Variants in SAXO3 observed in about 807,000 individuals in gnomAD.
SAXO3 encodes stabilizer of axonemal microtubules 3.
At chr19:49,020,363 G>A in the SAXO3 span, 1 of 410,500 alleles carries the variant, frequency 2.4e-6, no homozygotes, top group Non-Finnish European at 4.3e-6. Context: ...CTGCAGCGTA[G>A]GGTCCGCTCA....
chr19:49,019,676 C>A, the SAXO3 span: 41 of 1,244,906 alleles, frequency 3.3e-5, no homozygotes, highest in Non-Finnish European at 4.2e-5. Context: ...TGGTGGTCTG[C>A]GAGTTGTGGG....
the SAXO3 span, chr19:49,018,847 C>G: frequency 2.6e-6 from 4 of 1,511,606 alleles, no homozygotes; most frequent in Non-Finnish European, 2.7e-6. Context: ...GTGCAGGAGG[C>G]GGTGCCGAGC....
chr19:49,019,663 C>T, the SAXO3 span: 1 of 1,257,534 alleles, frequency 8.0e-7, no homozygotes, highest in Non-Finnish European at 1.0e-6. Flanking sequence ...AGGACCCCCG[C>T]GGTGGTGGTC....
chr19:49,018,725 G>C, the SAXO3 span: 1 of 693,542 alleles, frequency 1.4e-6, no homozygotes, highest in Non-Finnish European at 2.4e-6. Flanking sequence ...AAAGGGAGGG[G>C]CTGAGGCCTG....
chr19:49,019,821 G>A, the SAXO3 span: 145 of 1,254,156 alleles, frequency 1.2e-4, no homozygotes, highest in Non-Finnish European at 5.0e-5. Flanking sequence ...GCGGAAAGGC[G>A]ACCCAGAGAC....
chr19:49,019,956 G>A, the SAXO3 span: 5 of 1,507,866 alleles, frequency 3.3e-6, no homozygotes, highest in Non-Finnish European at 4.4e-6. Flanking sequence ...GGGTCTGCAG[G>A]CTCTGGGGCT....
the SAXO3 span, among the ~76,000 whole-genome samples, chr19:49,018,555 A>G: frequency 3.3e-5 from 5 of 152,046 alleles, no homozygotes; most frequent in African/African-American, 7.2e-5. Flanking sequence ...GGGAAGTAAA[A>G]GGGGACTTTC....
chr19:49,020,532 C>A, the SAXO3 span: 1 of 398,652 alleles, frequency 2.5e-6, no homozygotes. Flanking sequence ...ACCCCCACTC[C>A]GTAGCCAAGC....
At chr19:49,019,600 C>T in the SAXO3 span, 1 of 1,255,942 alleles carries the variant, frequency 8.0e-7, no homozygotes, top group Non-Finnish European at 1.0e-6. Context: ...GCCCCAGGCT[C>T]CCGGAGCTCC....
chr19:49,019,037 T>C, the SAXO3 span: 23 of 1,512,440 alleles, frequency 1.5e-5, no homozygotes, highest in South Asian at 2.3e-4. Flanking sequence ...ACCCAAGACA[T>C]AGATTTCATA....
At chr19:49,019,083 C>T in the SAXO3 span, 44 of 1,451,972 alleles carry the variant, frequency 3.0e-5, no homozygotes, top group Non-Finnish European at 3.7e-5. Context: ...GTTCAGAATC[C>T]CTCTCCTTCG....
At chr19:49,020,503 T>C in the SAXO3 span, 50 of 398,208 alleles carry the variant, frequency 1.3e-4, no homozygotes, top group Non-Finnish European at 1.5e-4. Context: ...GGAGCCAGGG[T>C]GCCACTGGCC....
chr19:49,018,709 A>G, the SAXO3 span, among the ~76,000 whole-genome samples: 1 of 149,360 alleles, frequency 6.7e-6, no homozygotes, highest in Non-Finnish European at 1.5e-5. Context: ...TGGGTGCTTA[A>G]AAAAAAAAGG....
At chr19:49,019,901 A>G in the SAXO3 span, 1,898 of 1,457,864 alleles carry the variant, frequency 1.3e-3, 31 homozygotes, top group South Asian at 0.018. Context: ...GCACTCCCCA[A>G]ACTTTACCTT....
chr19:49,019,764 C>T, the SAXO3 span: 1 of 1,222,506 alleles, frequency 8.2e-7, no homozygotes, highest in Non-Finnish European at 1.1e-6. Flanking sequence ...TCTCGCTGCT[C>T]TGGTACTTTG....
chr19:49,018,161 C>T, the SAXO3 span: 13 of 404,572 alleles, frequency 3.2e-5, no homozygotes. Flanking sequence ...CAGGGCTCCC[C>T]GGTGCGGCAT....
the SAXO3 span, chr19:49,020,014 G>A: frequency 6.8e-7 from 1 of 1,477,130 alleles, no homozygotes; most frequent in South Asian, 1.3e-5. Context: ...CGTAGGCCGA[G>A]CCAGAGGTTG....
At chr19:49,018,273 C>T in the SAXO3 span, 45 of 1,071,964 alleles carry the variant, frequency 4.2e-5, no homozygotes, top group Non-Finnish European at 5.2e-5. Flanking sequence ...TGGCTCCAGA[C>T]CTGGGGCGTC....
chr19:49,019,166 A>G, the SAXO3 span: 1 of 1,412,020 alleles, frequency 7.1e-7, no homozygotes. Flanking sequence ...CACCCACGCC[A>G]GGGAACTTCA....
Sources: gnomAD v4.1 joint callset for allele counts (sites outside exome capture counted in the v4.1 genomes callset) on GRCh38, gnomAD v4.1.1 for gene constraint, MANE v1.5 for transcripts, NCBI Gene and HGNC (gene_info 2026-07-23, HGNC 2026-07-21) for gene names.